The following CPED1 variants were observed in gnomAD, a reference collection of about 807,000 sequenced individuals.
The protein encoded by CPED1 is cadherin-like and PC-esterase domain-containing protein 1.
Under a neutral mutation model 128.2 loss-of-function variants are expected in CPED1, and 114 were observed. The observed-to-expected ratio is 0.89, with a 90% confidence interval of 0.76 to 1.04. The LOEUF is 1.04. CPED1 is among the 50% of genes least tolerant of loss of function. CPED1 has a pLI of 0.00. For missense variants in CPED1, 1,211 were observed against 1,207.1 expected, an observed-to-expected ratio of 1.00 and a Z score of -0.05; for synonymous variants, 462 against 426.7, an observed-to-expected ratio of 1.08 and a Z score of -1.02.
chr7:121,129,098 T>C (rs1795582229), intron 11 of CPED1, among the ~76,000 whole-genome samples: 1 of 151,552 alleles, frequency 6.6e-6, no homozygotes, highest in Non-Finnish European at 1.5e-5. Context: ...GCATGTTTAA[T>C]ACTTGTTTTC....
intron 21 of CPED1, among the ~76,000 whole-genome samples, chr7:121,269,232 A>T (rs1002853879): frequency 6.6e-6 from 1 of 151,810 alleles, no homozygotes; most frequent in Non-Finnish European, 1.5e-5. Flanking sequence ...TTCAGCTCCC[A>T]CTCATAAGTG....
chr7:121,115,865 C>T lies in CPED1; in HGVS notation c.919-8466C>T, dbSNP rs368303846. Among the ~76,000 whole-genome samples, 37 of 152,258 alleles carry T rather than the reference C, an allele frequency of 2.4e-4. 1 individual carries two copies. In the South Asian group the frequency reaches 5.8e-3, roughly 24 times the overall value. ...TATAAAGAAAATGAGCAGGCATATA[C>T]GTAGAGAGTTCAATGATAAAATCTT... On this transcript the variant is annotated intron_variant, in intron 7 of 22. Transcript: ENST00000310396.
chr7:121,005,748 C>A (rs1443597178), intron 2 of CPED1, among the ~76,000 whole-genome samples: 1 of 152,070 alleles, frequency 6.6e-6, no homozygotes, highest in Non-Finnish European at 1.5e-5. Context: ...TCAACATGTT[C>A]TTTTGTCTGA....
At chr7:121,129,444 G>A (rs1229892869) in intron 11 of CPED1, among the ~76,000 whole-genome samples, 1 of 150,156 alleles carries the variant, frequency 6.7e-6, no homozygotes, top group African/African-American at 2.4e-5. Context: ...CCAAATTTTG[G>A]AGGATTCAGA....
Position 120,989,567 on chromosome 7 carries a change from G to A in CPED1, c.-55G>A, listed in dbSNP as rs1422651154. On this transcript the variant is annotated 5_prime_UTR_variant, in exon 2 of 23. Coordinates refer to ENST00000310396, the MANE Select transcript of CPED1 (RefSeq NM_024913.5). ...GTATTTTTCATGCTGACAAAAAATA[G>A]CTGCTATGACTTTTCCCGCAACGTG... 7 of 1,586,680 alleles carry A rather than the reference G, an allele frequency of 4.4e-6. No individual in the cohort carries two copies. The highest frequency in any genetic ancestry group is 6.0e-6 in the Non-Finnish European group (7 of 1,166,944).
At chr7:121,178,118 A>G (rs1786918997) in intron 16 of CPED1, among the ~76,000 whole-genome samples, 1 of 151,944 alleles carries the variant, frequency 6.6e-6, no homozygotes, top group Non-Finnish European at 1.5e-5. Flanking sequence ...AGCAGAGAGG[A>G]CCTCACCCTC....
intron 3 of CPED1, among the ~76,000 whole-genome samples, chr7:121,031,430 G>A (rs1249874804): frequency 6.6e-6 from 1 of 152,154 alleles, no homozygotes; most frequent in Non-Finnish European, 1.5e-5. Flanking sequence ...TGGGATTACA[G>A]GTGCCTTCCA....
At chr7:121,230,475 A>G (rs1280987839) in intron 16 of CPED1, among the ~76,000 whole-genome samples, 1 of 152,070 alleles carries the variant, frequency 6.6e-6, no homozygotes, top group East Asian at 1.9e-4. Flanking sequence ...TTATCCAATA[A>G]AAAGTCCAGA....
At chr7:121,179,923 T>C (rs1796863659) in intron 16 of CPED1, among the ~76,000 whole-genome samples, 1 of 152,076 alleles carries the variant, frequency 6.6e-6, no homozygotes, top group African/African-American at 2.4e-5. Context: ...GGGAAAAAAA[T>C]GAAACTAACA....
chr7:121,253,351 T>C (rs1798731218), intron 18 of CPED1, among the ~76,000 whole-genome samples: 1 of 148,212 alleles, frequency 6.7e-6, no homozygotes, highest in Admixed American at 6.7e-5. Flanking sequence ...TTAGGAGATA[T>C]ACCTAATTCT....
intron 7 of CPED1, among the ~76,000 whole-genome samples, chr7:121,117,548 A>G (rs1795284821): frequency 1.3e-5 from 2 of 151,744 alleles, no homozygotes; most frequent in East Asian, 3.9e-4. Context: ...CTTCTAAATC[A>G]CCTTCCTTTT....
rs1042991005 is a variant in CPED1 at position 121,090,897 on chromosome 7, C to A, written c.617-6802C>A. Among the ~76,000 whole-genome samples, 5 of 151,748 alleles carry A rather than the reference C, an allele frequency of 3.3e-5. No individual in the cohort carries two copies. In the South Asian group the frequency reaches 8.3e-4, roughly 25 times the overall value. On this transcript the variant is annotated intron_variant, in intron 5 of 22. Transcript: ENST00000310396. ...CCATAAGGCAGAGGTTGTAGTGAGC[C>A]GAGATCCTGCCACTGGCACTCCAGC...
intron 16 of CPED1, among the ~76,000 whole-genome samples, chr7:121,176,324 C>T (rs1011864666): frequency 1.5e-4 from 22 of 150,072 alleles, no homozygotes; most frequent in Admixed American, 1.1e-3. Context: ...AAAGTTGCAA[C>T]ATTAATAGGA....
chr7:121,152,020 A>G (rs546833272), intron 16 of CPED1, among the ~76,000 whole-genome samples: 1 of 152,296 alleles, frequency 6.6e-6, no homozygotes, highest in Admixed American at 6.5e-5. Flanking sequence ...CGCCTGACAT[A>G]TTTAACTTCT....
chr7:121,079,505 G>A (rs1794224985), intron 5 of CPED1, among the ~76,000 whole-genome samples: 1 of 152,340 alleles, frequency 6.6e-6, no homozygotes, highest in East Asian at 1.9e-4. Context: ...TCTATATGTA[G>A]AATTGCCTTT....
At chr7:121,041,117 T>C (rs1263399934) in intron 3 of CPED1, among the ~76,000 whole-genome samples, 3 of 152,064 alleles carry the variant, frequency 2.0e-5, no homozygotes, top group Admixed American at 1.3e-4. Flanking sequence ...AAAAAACTAA[T>C]GTTTTTCTTA....
chr7:121,029,896 A>T (rs1455061694), intron 3 of CPED1, among the ~76,000 whole-genome samples: 1 of 151,806 alleles, frequency 6.6e-6, no homozygotes, highest in African/African-American at 2.4e-5. Context: ...TATCTGTCTA[A>T]TTTTTTTTGG....
chr7:121,209,343 C>G (rs1047648207), intron 16 of CPED1, among the ~76,000 whole-genome samples: 1 of 151,918 alleles, frequency 6.6e-6, no homozygotes, highest in Non-Finnish European at 1.5e-5. Flanking sequence ...GATATGTCAT[C>G]AAAAATTACT....
At chr7:121,176,678 A>T (rs192760013) in intron 16 of CPED1, among the ~76,000 whole-genome samples, 18 of 152,212 alleles carry the variant, frequency 1.2e-4, no homozygotes, top group Admixed American at 1.2e-3. Flanking sequence ...GACCATTTTT[A>T]AATTTTTATA....
Sources: gnomAD v4.1 joint callset for allele counts (sites outside exome capture counted in the v4.1 genomes callset) on GRCh38, gnomAD v4.1.1 for gene constraint, MANE v1.5 for transcripts, NCBI Gene and HGNC (gene_info 2026-07-23, HGNC 2026-07-21) for gene names.